NFIA: variants seen among roughly 807,000 people sequenced by gnomAD.
NFIA encodes the protein nuclear factor 1 A-type.
A neutral mutation model predicts 62.8 loss-of-function variants in NFIA; 8 were observed. The ratio of observed to expected loss-of-function variants is 0.13; its 90% CI spans 0.07 to 0.23. The LOEUF (loss-of-function observed/expected upper bound fraction) is 0.23, where lower values mean the gene tolerates loss of function less well. Ranked by LOEUF, NFIA falls within the 10% of genes least tolerant of loss-of-function variation. NFIA has a pLI of 1.00. For synonymous variants in NFIA, 235 were observed against 238.1 expected (o/e 0.99, Z 0.12); for missense variants, 410 against 642.1 (o/e 0.64, Z 3.91).
intron 2 of NFIA, among the ~76,000 whole-genome samples, chr1:61,214,231 T>C (rs1653459407): frequency 6.6e-6 from 1 of 152,120 alleles, no homozygotes; most frequent in African/African-American, 2.4e-5. Context: ...GCCCACTCTT[T>C]TGTTCCGCAA....
chr1:61,327,640 A>G (rs1252982407), intron 3 of NFIA, among the ~76,000 whole-genome samples: 1 of 152,134 alleles, frequency 6.6e-6, no homozygotes. Flanking sequence ...TATATATACC[A>G]TATTTTCTTT....
chr1:61,295,485 G>A (rs7544287), intron 3 of NFIA, among the ~76,000 whole-genome samples: 4,426 of 152,248 alleles, frequency 0.029, 180 homozygotes, highest in Non-Finnish European at 0.038. Context: ...TGGTACATTG[G>A]ATAATTCTTT....
intron 2 of NFIA, among the ~76,000 whole-genome samples, chr1:61,114,673 A>G (rs922007117): frequency 1.4e-4 from 22 of 152,122 alleles, no homozygotes; most frequent in Non-Finnish European, 1.9e-4. Context: ...GTTACTCAGG[A>G]GAAAGACCTG....
chr1:61,196,918 T>C (rs1570359786), intron 2 of NFIA, among the ~76,000 whole-genome samples: 1 of 142,984 alleles, frequency 7.0e-6, no homozygotes, highest in African/African-American at 2.7e-5. Context: ...TGTGTGTGTG[T>C]GTGTGTGTGT....
intron 10 of NFIA, among the ~76,000 whole-genome samples, chr1:61,427,663 A>G (rs904778637): frequency 2.0e-5 from 3 of 152,188 alleles, no homozygotes; most frequent in African/African-American, 7.2e-5. Flanking sequence ...ACTGCATTGT[A>G]TCTGAAGCCT....
intron 2 of NFIA, among the ~76,000 whole-genome samples, chr1:61,138,304 C>T (rs1051246690): frequency 1.3e-5 from 2 of 152,094 alleles, no homozygotes; most frequent in African/African-American, 4.8e-5. Flanking sequence ...CCATGTTGCC[C>T]AGGCTGGTTG....
intron 2 of NFIA, among the ~76,000 whole-genome samples, chr1:61,193,424 C>T (rs1049960325): frequency 1.3e-5 from 2 of 152,182 alleles, no homozygotes; most frequent in African/African-American, 2.4e-5. Flanking sequence ...ATGTGGAAGT[C>T]ACTCTCTCTG....
chr1:61,390,088 G>A (rs1010920609), intron 7 of NFIA, among the ~76,000 whole-genome samples: 1 of 152,176 alleles, frequency 6.6e-6, no homozygotes, highest in African/African-American at 2.4e-5. Flanking sequence ...TGTGCTAGAA[G>A]CACAGGGTGC....
At chr1:61,447,502 C>T (rs1389474524) in intron 10 of NFIA, among the ~76,000 whole-genome samples, 1 of 152,140 alleles carries the variant, frequency 6.6e-6, no homozygotes, top group South Asian at 2.1e-4. Flanking sequence ...CGCGAAACCC[C>T]GTCGCCACTG....
At chr1:61,416,735 A>G (rs1207689015) in intron 9 of NFIA, among the ~76,000 whole-genome samples, 1 of 152,138 alleles carries the variant, frequency 6.6e-6, no homozygotes, top group Non-Finnish European at 1.5e-5. Context: ...TGCATTTGTT[A>G]TTATAAATCT....
intron 2 of NFIA, among the ~76,000 whole-genome samples, chr1:61,148,363 C>T (rs530505684): frequency 6.6e-6 from 1 of 152,216 alleles, no homozygotes; most frequent in Non-Finnish European, 1.5e-5. Flanking sequence ...CATTTCATTC[C>T]CTCTGACTCT....
At chr1:61,344,873 A>G (rs1662130999) in intron 4 of NFIA, among the ~76,000 whole-genome samples, 1 of 152,168 alleles carries the variant, frequency 6.6e-6, no homozygotes, top group South Asian at 2.1e-4. Context: ...TCTCTTTCCA[A>G]CAATGCAAGC....
intron 2 of NFIA, among the ~76,000 whole-genome samples, chr1:61,137,965 T>TG (rs1647235986): frequency 6.6e-6 from 1 of 152,020 alleles, no homozygotes; most frequent in African/African-American, 2.4e-5. Context: ...TTTTTTTTTT[T>TG]TCTATTGAAG....
intron 1 of NFIA, among the ~76,000 whole-genome samples, chr1:61,086,181 G>GCATA (rs1557553967): frequency 6.6e-6 from 1 of 152,002 alleles, no homozygotes; most frequent in Non-Finnish European, 1.5e-5. Context: ...GGAGTTTTTT[G>GCATA]CATAATACAA....
chr1:61,104,677 T>C (rs1355913715), intron 2 of NFIA, among the ~76,000 whole-genome samples: 3 of 152,048 alleles, frequency 2.0e-5, no homozygotes, highest in Admixed American at 6.6e-5. Context: ...ATAAAGTGTT[T>C]CTGTCTGGCC....
At chr1:61,285,212 C>A (rs1461813035) in intron 3 of NFIA, among the ~76,000 whole-genome samples, 1 of 152,044 alleles carries the variant, frequency 6.6e-6, no homozygotes, top group Non-Finnish European at 1.5e-5. Context: ...ACAGAGATAT[C>A]CTTAGAAGGA....
intron 4 of NFIA, among the ~76,000 whole-genome samples, chr1:61,337,211 T>C (rs144386961): frequency 1.4e-3 from 217 of 152,310 alleles, no homozygotes; most frequent in African/African-American, 4.6e-3. Flanking sequence ...CATTGAATTA[T>C]ACTGATCAGA....
chr1:61,406,190 G>T (rs1337171229), intron 8 of NFIA, among the ~76,000 whole-genome samples: 2 of 152,148 alleles, frequency 1.3e-5, no homozygotes, highest in African/African-American at 4.8e-5. Context: ...GAAAGATAAT[G>T]AAGGTAGCAG....
At chr1:61,352,251 A>G (rs1017448520) in intron 4 of NFIA, among the ~76,000 whole-genome samples, 199 bp from the exon 5 acceptor site, 1 of 152,236 alleles carries the variant, frequency 6.6e-6, no homozygotes, top group African/African-American at 2.4e-5. Flanking sequence ...TGAAAAATAT[A>G]TTAGAAAAAA....
Sources: allele counts gnomAD v4.1 joint callset (sites outside exome capture counted in the v4.1 genomes callset), GRCh38; gene constraint gnomAD v4.1.1; transcripts MANE v1.5; gene names NCBI Gene and HGNC (gene_info 2026-07-23, HGNC 2026-07-21).